The following TGFBR3 variants were observed in gnomAD, a reference collection of about 807,000 sequenced individuals.
TGFBR3 encodes transforming growth factor beta receptor 3.
Under a neutral mutation model 87.9 loss-of-function variants are expected in TGFBR3, and 46 were observed. The observed-to-expected ratio is 0.52, with a 90% CI of 0.41 to 0.67. The LOEUF is 0.67. Ranked by LOEUF, TGFBR3 falls within the 30% of genes least tolerant of loss-of-function variation. The pLI is 0.00. For missense variants in TGFBR3, 866 were observed against 1,041.9 expected, an observed-to-expected ratio of 0.83 and a Z score of 2.32; for synonymous variants, 381 against 391.6, an observed-to-expected ratio of 0.97 and a Z score of 0.32.
rs374504107 is a variant in TGFBR3, at chr1:91,875,481, G to A, written c.-114+10397C>T. On this transcript the variant is annotated intron_variant, in intron 1 of 16. Transcript: ENST00000212355. ...TGCTGATATTGAAGCACAGAAATAT[G>A]AGCAACTCAATGTAGACTGAAAAGA... Among the ~76,000 whole-genome samples the A allele has an allele frequency of 1.5e-4, 23 of 152,156 alleles. No homozygotes were observed. The East Asian group carries it at 3.9e-3, about 26-fold the overall frequency.
chr1:91,722,385 AT>A (rs1291464082), intron 7 of TGFBR3, among the ~76,000 whole-genome samples: 1 of 152,208 alleles, frequency 6.6e-6, no homozygotes, highest in Non-Finnish European at 1.5e-5. Flanking sequence ...GATAAAAAAA[AT>A]CATCCAATGA....
At chr1:91,727,977 A>C in intron 6 of TGFBR3, 171 bp from the exon 7 acceptor site, 1 of 703,890 alleles carries the variant, frequency 1.4e-6, no homozygotes. Context: ...CACATAACAA[A>C]ATTGTTTTAC....
At chr1:91,852,223 G>A (rs1677763445) in intron 2 of TGFBR3, among the ~76,000 whole-genome samples, 2 of 152,060 alleles carry the variant, frequency 1.3e-5, no homozygotes, top group Non-Finnish European at 2.9e-5. Flanking sequence ...TCCAGCCTGG[G>A]CAACAGAGTG....
At chr1:91,856,923 C>T (rs888442394) in intron 2 of TGFBR3, among the ~76,000 whole-genome samples, 1 of 152,240 alleles carries the variant, frequency 6.6e-6, no homozygotes, top group Non-Finnish European at 1.5e-5. Flanking sequence ...CTGCCAGGTT[C>T]AAGTCTCAAC....
chr1:91,695,362 C>T (rs559054132), intron 16 of TGFBR3: 71 of 368,630 alleles, frequency 1.9e-4, no homozygotes, highest in Non-Finnish European at 3.0e-4. Flanking sequence ...TTGGTTTTGA[C>T]GGAATGGTTT....
chr1:91,838,506 T>C (rs1423284066), intron 2 of TGFBR3, among the ~76,000 whole-genome samples: 1 of 150,494 alleles, frequency 6.6e-6, no homozygotes, highest in Non-Finnish European at 1.5e-5. Flanking sequence ...TCGCCCAGGC[T>C]GGAGTGCAGT....
At chr1:91,823,743 A>G (rs890637178) in intron 2 of TGFBR3, among the ~76,000 whole-genome samples, 1 of 152,244 alleles carries the variant, frequency 6.6e-6, no homozygotes, top group Non-Finnish European at 1.5e-5. Flanking sequence ...AAAGGGGTGG[A>G]GATGGATAAT....
At chr1:91,871,909 G>C (rs1054749812) in intron 1 of TGFBR3, among the ~76,000 whole-genome samples, 3 of 152,154 alleles carry the variant, frequency 2.0e-5, no homozygotes, top group Non-Finnish European at 2.9e-5. Context: ...TCCTTCATGG[G>C]ATTGTTATGA....
chr1:91,708,044 G>A (rs993652421), intron 14 of TGFBR3, among the ~76,000 whole-genome samples: 1 of 152,160 alleles, frequency 6.6e-6, no homozygotes, highest in African/African-American at 2.4e-5. Context: ...ACACCCCTTA[G>A]GGCACAGCCT....
chr1:91,708,240 T>C (rs1251173622), intron 14 of TGFBR3, among the ~76,000 whole-genome samples: 1 of 152,226 alleles, frequency 6.6e-6, no homozygotes, highest in Non-Finnish European at 1.5e-5. Flanking sequence ...CAAAGGCATT[T>C]GCAATTTTGA....
intron 1 of TGFBR3, among the ~76,000 whole-genome samples, chr1:91,875,927 AAAG>A (rs1678786964): frequency 1.3e-5 from 2 of 151,188 alleles, no homozygotes; most frequent in African/African-American, 2.4e-5. Context: ...AAAAAAAAAA[AAAG>A]AAAGAAAAAG....
At chr1:91,850,499 G>C (rs1394680445) in intron 2 of TGFBR3, among the ~76,000 whole-genome samples, 1 of 152,088 alleles carries the variant, frequency 6.6e-6, no homozygotes, top group South Asian at 2.1e-4. Context: ...ACAGCAGGGA[G>C]GCCAGGCGTG....
intron 4 of TGFBR3, among the ~76,000 whole-genome samples, chr1:91,747,705 A>G (rs762297004): frequency 6.6e-6 from 1 of 152,210 alleles, no homozygotes; most frequent in Non-Finnish European, 1.5e-5. Flanking sequence ...AGACGCAATT[A>G]AACTCCATAA....
At chr1:91,716,913 G>A (rs1469463885) in intron 10 of TGFBR3, among the ~76,000 whole-genome samples, 1 of 152,174 alleles carries the variant, frequency 6.6e-6, no homozygotes, top group African/African-American at 2.4e-5. Flanking sequence ...GCAGGTTCAA[G>A]TTAAAAGCTA....
intron 2 of TGFBR3, among the ~76,000 whole-genome samples, chr1:91,802,859 G>A (rs891215165): frequency 3.3e-5 from 5 of 151,886 alleles, no homozygotes; most frequent in African/African-American, 1.2e-4. Flanking sequence ...TGGGGGAGGT[G>A]CCCCAACATC....
intron 1 of TGFBR3, among the ~76,000 whole-genome samples, chr1:91,865,389 A>G (rs1352609966): frequency 2.6e-5 from 4 of 151,998 alleles, no homozygotes; most frequent in Non-Finnish European, 4.4e-5. Context: ...ATGTATACCT[A>G]ATGTATACCT....
chr1:91,847,743 C>T (rs1332083836), intron 2 of TGFBR3, among the ~76,000 whole-genome samples: 1 of 152,102 alleles, frequency 6.6e-6, no homozygotes, highest in South Asian at 2.1e-4. Context: ...CTCGCTAACC[C>T]ACCTAAAGTC....
At chr1:91,702,162 C>T (rs1272248239) in intron 14 of TGFBR3, among the ~76,000 whole-genome samples, 1 of 152,156 alleles carries the variant, frequency 6.6e-6, no homozygotes, top group Non-Finnish European at 1.5e-5. Context: ...GGTATTCCAG[C>T]CCAAACACTG....
intron 7 of TGFBR3, among the ~76,000 whole-genome samples, chr1:91,725,422 T>C (rs1185395039): frequency 2.0e-5 from 3 of 152,222 alleles, no homozygotes; most frequent in Non-Finnish European, 2.9e-5. Flanking sequence ...CCCCTTTTTA[T>C]GGCAGGCACT....
Sources: allele counts gnomAD v4.1 joint callset (sites outside exome capture counted in the v4.1 genomes callset), GRCh38; gene constraint gnomAD v4.1.1; transcripts MANE v1.5; gene names NCBI Gene and HGNC (gene_info 2026-07-23, HGNC 2026-07-21).